GGA2: variants seen among roughly 807,000 people sequenced by gnomAD.
GGA2 encodes the protein golgi associated, gamma adaptin ear containing, ARF binding protein 2, also known as ADP-ribosylation factor-binding protein GGA2.
Under a neutral mutation model 79.5 loss-of-function variants are expected in GGA2, and 48 were observed. The ratio of observed to expected loss-of-function variants is 0.60; its 90% CI spans 0.48 to 0.77. The LOEUF is 0.77. GGA2 is among the 30% of genes least tolerant of loss of function. The pLI is 0.00. For missense variants in GGA2, 770 were observed against 774.0 expected (o/e 0.99, Z 0.06); for synonymous variants, 317 against 302.0 (o/e 1.05, Z -0.51).
upstream of GGA2, among the ~76,000 whole-genome samples, chr16:23,514,606 C>T (rs2142150885): frequency 6.6e-6 from 1 of 152,120 alleles, no homozygotes; most frequent in South Asian, 2.1e-4. Context: ...ACACACACCA[C>T]CGCTCCCAGC....
Position 23,478,900 on chromosome 16 carries a change from C to T in GGA2, c.1141G>A (p.Ala381Thr), listed in dbSNP as rs561256315. Residue 381 changes from alanine to threonine, a missense_variant, in exon 12 of 17, where the codon GCT (alanine) becomes ACT (threonine). Transcript: ENST00000309859. ...ATCCTTACCATGCCTGTAACAGGAGCATCACTGATTCCTGTAAGAAAGGAG... is the reference window on the plus strand; with the variant it reads ...ATCCTTACCATGCCTGTAACAGGAGTATCACTGATTCCTGTAAGAAAGGAG... ...QDLAALGISDAPVTGMVSGQN... is the reference protein window; with the variant it reads ...QDLAALGISDTPVTGMVSGQN... 5.2e-5 allele frequency: 83 copies of T among 1,605,200 alleles called. No homozygotes were observed. In the South Asian group the frequency reaches 8.0e-4, roughly 16 times the overall value.
intron 1 of GGA2, among the ~76,000 whole-genome samples, chr16:23,505,619 T>G (rs1964966356): frequency 6.6e-6 from 1 of 152,100 alleles, no homozygotes; most frequent in Non-Finnish European, 1.5e-5. Flanking sequence ...ACAACCCCTC[T>G]CCTCAATTCC....
At chr16:23,498,232 A>G (rs2142137273) in intron 1 of GGA2, among the ~76,000 whole-genome samples, 1 of 151,900 alleles carries the variant, frequency 6.6e-6, no homozygotes, top group Non-Finnish European at 1.5e-5. Context: ...GTGAGCTGAG[A>G]TCGTGACACT....
intron 14 of GGA2, among the ~76,000 whole-genome samples, chr16:23,470,635 C>T (rs1301578170): frequency 6.6e-6 from 1 of 151,882 alleles, no homozygotes; most frequent in South Asian, 2.1e-4. Flanking sequence ...TGGTGGTACA[C>T]ACCTGTAATC....
At chr16:23,504,115 G>C (rs1483562289) in intron 1 of GGA2, among the ~76,000 whole-genome samples, 4 of 150,918 alleles carry the variant, frequency 2.7e-5, no homozygotes, top group African/African-American at 4.9e-5. Flanking sequence ...CTATGGGTCA[G>C]ATACCATGCC....
intron 7 of GGA2, 105 bp downstream of exon 7, chr16:23,486,605 C>A: frequency 1.3e-6 from 1 of 782,206 alleles, no homozygotes; most frequent in South Asian, 1.4e-5. Flanking sequence ...GCCACTCTTT[C>A]TCCCAGGCAA....
chr16:23,480,464 C>T (rs1964632783), intron 10 of GGA2, 181 bp downstream of exon 10: 1 of 547,090 alleles, frequency 1.8e-6, no homozygotes, highest in African/African-American at 1.9e-5. Flanking sequence ...GCCCGGCAAC[C>T]AGCTCATGAC....
chr16:23,510,844 C>A (rs1312434290), upstream of GGA2, among the ~76,000 whole-genome samples: 1 of 150,990 alleles, frequency 6.6e-6, no homozygotes, highest in Non-Finnish European at 1.5e-5. Flanking sequence ...GGAGCTGGGA[C>A]TAGGGGAGGG....
upstream of GGA2, chr16:23,523,382 G>C (rs994876338): frequency 6.6e-6 from 1 of 152,262 alleles, no homozygotes; most frequent in Non-Finnish European, 1.5e-5. Flanking sequence ...AATAGGAAGG[G>C]TGAAGGTCTC....
chr16:23,510,224 C>T (rs1186153172), intron 1 of GGA2, 97 bp downstream of exon 1: 3 of 758,336 alleles, frequency 4.0e-6, no homozygotes, highest in Non-Finnish European at 5.5e-6. Context: ...CCGGCCTCCC[C>T]TGCGGCCGCC....
upstream of GGA2, among the ~76,000 whole-genome samples, chr16:23,515,165 A>T (rs1032637098): frequency 2.0e-5 from 3 of 151,376 alleles, no homozygotes; most frequent in African/African-American, 4.8e-5. Flanking sequence ...TATATATATA[A>T]ATATGTATCA....
At chr16:23,475,717 G>A (rs1042971805) in intron 13 of GGA2, among the ~76,000 whole-genome samples, 1 of 150,562 alleles carries the variant, frequency 6.6e-6, no homozygotes, top group African/African-American at 2.4e-5. Context: ...CAGCCCGGCC[G>A]ACATGGTGAA....
At chr16:23,511,493 C>T (rs1965062605), upstream of GGA2, among the ~76,000 whole-genome samples, 1 of 144,052 alleles carries the variant, frequency 6.9e-6, no homozygotes, top group South Asian at 2.2e-4. Flanking sequence ...GAAGGGTTTT[C>T]CTGGAACACT....
rs941243413 is a variant in GGA2 at position 23,480,778 on chromosome 16, A to G, written c.881-8T>C. On this transcript the variant is annotated splice_region_variant and splice_polypyrimidine_tract_variant and intron_variant, in intron 9 of 16. Transcript: ENST00000309859. ...TTGCCTGGAGAATTTCCGCTGAAGA[A>G]TGAGGGAAGACTCAGAACCCCCTGG... 6.2e-6 allele frequency: 10 copies of G among 1,605,638 alleles called. No individual in the cohort carries two copies. The highest frequency in any genetic ancestry group is 2.2e-5 in the East Asian group (1 of 44,622).
Position 23,467,308 on chromosome 16 carries a change from A to C in GGA2, c.*282T>G, listed in dbSNP as rs189202877. 7.9e-6 allele frequency: 3 copies of C among 379,616 alleles called. No homozygotes were observed. Among genetic ancestry groups the C allele is most frequent in the East Asian group, 9.8e-5 (2 of 20,312 alleles). 23.5% of individuals were successfully genotyped at this position (379,616 alleles called of 1,614,324 possible). ...TGACATGCAGAAACATGACTGTAGC[A>C]GAGATGATGATGATGAGAAATGCTT... On this transcript the variant is annotated 3_prime_UTR_variant, in exon 17 of 17. Coordinates refer to ENST00000309859, the MANE Select transcript of GGA2 (RefSeq NM_015044.4).
chr16:23,470,567 A>T (rs1964497168), intron 14 of GGA2, among the ~76,000 whole-genome samples: 1 of 152,128 alleles, frequency 6.6e-6, no homozygotes, highest in South Asian at 2.1e-4. Flanking sequence ...GTTCAAGACC[A>T]GCCTGGACAA....
chr16:23,474,755 A>C, intron 14 of GGA2, 149 bp downstream of exon 14: 1 of 647,942 alleles, frequency 1.5e-6, no homozygotes, highest in South Asian at 1.8e-5. Context: ...CCTGGCCACA[A>C]CCTCTTACTT....
intron 8 of GGA2, among the ~76,000 whole-genome samples, chr16:23,485,593 A>C (rs1964701510): frequency 1.3e-5 from 2 of 152,184 alleles, no homozygotes; most frequent in South Asian, 4.1e-4. Flanking sequence ...CATGATTCAC[A>C]ATCACCCAAA....
At chr16:23,489,207 C>A (rs988099138) in intron 5 of GGA2, among the ~76,000 whole-genome samples, 3 of 152,182 alleles carry the variant, frequency 2.0e-5, no homozygotes, top group East Asian at 1.9e-4. Flanking sequence ...GTGACAACAA[C>A]AAAACACTGG....
Sources: gnomAD v4.1 joint callset for allele counts (sites outside exome capture counted in the v4.1 genomes callset) on GRCh38, gnomAD v4.1.1 for gene constraint, MANE v1.5 for transcripts, NCBI Gene and HGNC (gene_info 2026-07-23, HGNC 2026-07-21) for gene names.